The following INO80 variants were observed in gnomAD, a reference collection of about 807,000 sequenced individuals.
INO80 encodes the protein chromatin-remodeling ATPase INO80.
INO80 carries 20 observed loss-of-function variants against 203.4 expected under a neutral mutation model. That is an observed-to-expected ratio of 0.10 (90% confidence interval 0.07 to 0.14). The LOEUF is 0.14. Among genes scored for constraint, INO80 ranks in the 10% least tolerant of loss-of-function variants. The probability of loss-of-function intolerance (pLI) is 1.00; values close to 1 mark genes in which losing one functional copy is unlikely to be tolerated. For synonymous variants in INO80, 726 were observed against 685.2 expected (o/e 1.06, Z -0.93); for missense variants, 1,419 against 1,914.4 (o/e 0.74, Z 4.83).
chr15:41,054,787 C>T (rs879618577), intron 18 of INO80, among the ~76,000 whole-genome samples: 1 of 152,058 alleles, frequency 6.6e-6, no homozygotes, highest in African/African-American at 2.4e-5. Context: ...TACAGGTACC[C>T]GCCATCATGC....
chr15:41,075,164 C>T (rs1166214962), intron 9 of INO80, among the ~76,000 whole-genome samples: 4 of 152,152 alleles, frequency 2.6e-5, no homozygotes. Context: ...TATGGTGGCA[C>T]AGAGACAACA....
intron 27 of INO80, among the ~76,000 whole-genome samples, chr15:41,015,104 T>G (rs1218521941): frequency 6.6e-6 from 1 of 152,170 alleles, no homozygotes; most frequent in Non-Finnish European, 1.5e-5. Context: ...GTCTGTGACC[T>G]CCTGTCCCTT....
intron 28 of INO80, chr15:40,999,542 T>TA (rs2043929664): frequency 1.3e-5 from 2 of 152,240 alleles, no homozygotes; most frequent in South Asian, 4.1e-4. Context: ...GTCTCTCAGT[T>TA]AGTGATTCCA....
At chr15:41,090,073 C>T (rs370233163) in intron 5 of INO80, among the ~76,000 whole-genome samples, 2 of 152,230 alleles carry the variant, frequency 1.3e-5, no homozygotes, top group South Asian at 2.1e-4. Flanking sequence ...TAGAAATATG[C>T]TAATCATAGT....
chr15:41,115,094 T>C (rs1224294608), intron 1 of INO80, among the ~76,000 whole-genome samples: 2 of 152,230 alleles, frequency 1.3e-5, no homozygotes, highest in Non-Finnish European at 2.9e-5. Flanking sequence ...AATTTTGTTG[T>C]GGAGGAAATA....
At chr15:41,079,305 A>G (rs1314885091) in intron 9 of INO80, among the ~76,000 whole-genome samples, 1 of 152,174 alleles carries the variant, frequency 6.6e-6, no homozygotes, top group Non-Finnish European at 1.5e-5. Context: ...ATGAATTAAA[A>G]GCTACTTTCT....
At chr15:41,084,975 G>A (rs530077348) in intron 7 of INO80, among the ~76,000 whole-genome samples, 5 of 152,286 alleles carry the variant, frequency 3.3e-5, no homozygotes, top group South Asian at 2.1e-4. Context: ...GGGCTCAAGC[G>A]ATCTACCCAC....
chr15:41,060,564 A>C (rs942482309), intron 14 of INO80, among the ~76,000 whole-genome samples: 1 of 152,106 alleles, frequency 6.6e-6, no homozygotes, highest in Non-Finnish European at 1.5e-5. Flanking sequence ...CAGGAAAAAA[A>C]AAAAACAAAA....
intron 17 of INO80, 26 bp from the exon 18 acceptor site, chr15:41,055,390 A>G: frequency 6.9e-7 from 1 of 1,447,574 alleles, no homozygotes; most frequent in Non-Finnish European, 9.6e-7. Flanking sequence ...AAAATGAAAT[A>G]GCTATAGAGC....
intron 13 of INO80, 92 bp from the exon 14 acceptor site, chr15:41,069,757 G>C: frequency 1.4e-6 from 1 of 700,170 alleles, no homozygotes; most frequent in Non-Finnish European, 2.4e-6. Flanking sequence ...TCTAAGAATA[G>C]GAAACAAATA....
In INO80 at chr15:40,983,012, T is replaced by C. The variant is rs1402370053; in HGVS notation, c.4303A>G (p.Lys1435Glu). 8 of 1,614,046 alleles carry C rather than the reference T, an allele frequency of 5.0e-6. No individual in the cohort carries two copies. Among genetic ancestry groups the C allele is most frequent in the Non-Finnish European group, 6.8e-6 (8 of 1,180,010 alleles). Residue 1435 changes from lysine to glutamate, a missense_variant, in exon 35 of 36, where the codon AAA (lysine) becomes GAA (glutamate). This residue lies in a region of INO80 where 214 missense variants were observed against 248.9 expected (regional missense o/e 0.86). Transcript: ENST00000648947. ...CCTTTGGCTGTGCTTCCTGAACCTT[T>C]GGGGCGGCCTCGGCTTCGGGCTGAG... is the stretch of plus-strand genomic sequence containing the variant. ...GHSARSRGRP[K>E]GSGSTAKGAG...
chr15:41,051,384 C>T, intron 19 of INO80, among the ~76,000 whole-genome samples: 1 of 151,702 alleles, frequency 6.6e-6, no homozygotes, highest in East Asian at 1.9e-4. Flanking sequence ...GCTTTAATGC[C>T]TTCTCTAACT....
rs551837325 is a variant in INO80 at position 40,981,507 on chromosome 15, C to G, written c.4454-1067G>C. The stretch of plus-strand genomic sequence containing the variant: ...CATACTTCATATTTCCTGGAAGAAC[C>G]AATAAATGAAAGCTGAGATTTCTGC... On this transcript the variant is annotated intron_variant, in intron 35 of 35. Transcript: ENST00000648947. 1.2e-3 allele frequency among the ~76,000 whole-genome samples: 183 copies of G among 152,230 alleles called. 1 individual carries two copies. The highest frequency in any genetic ancestry group is 1.2e-3 in the Non-Finnish European group (81 of 68,008).
chr15:41,114,170 G>A (rs1433033120), intron 1 of INO80, among the ~76,000 whole-genome samples: 1 of 151,890 alleles, frequency 6.6e-6, no homozygotes, highest in East Asian at 1.9e-4. Context: ...AGGAGGCTGA[G>A]GCAGGAGAAT....
At chr15:41,112,809 A>C (rs892412982) in intron 1 of INO80, among the ~76,000 whole-genome samples, 5 of 151,326 alleles carry the variant, frequency 3.3e-5, no homozygotes, top group South Asian at 4.2e-4. Context: ...AAAAAAAAAA[A>C]AAAACTTTTC....
In INO80 at chr15:41,074,367, C is replaced by A; in HGVS notation, c.1327+3G>T. ...TTCCTCTAAGTCCTGACTGAGGACTCACCATAATCCTCCTGTGTGATGTTA... is the reference window on the plus strand; with the variant it reads ...TTCCTCTAAGTCCTGACTGAGGACTAACCATAATCCTCCTGTGTGATGTTA... On this transcript the variant is annotated splice_donor_region_variant and intron_variant, in intron 10 of 35. Coordinates refer to ENST00000648947, the MANE Select transcript of INO80 (RefSeq NM_017553.3). 6.3e-7 allele frequency: 1 copy of A among 1,597,620 alleles called. No homozygotes were observed. The highest frequency in any genetic ancestry group is 8.5e-7 in the Non-Finnish European group (1 of 1,170,392).
chr15:41,030,731 G>C (rs1317363865), intron 24 of INO80, among the ~76,000 whole-genome samples: 2 of 152,024 alleles, frequency 1.3e-5, no homozygotes, highest in Non-Finnish European at 2.9e-5. Context: ...CTGGAGTACA[G>C]TGGTGTGATC....
intron 24 of INO80, among the ~76,000 whole-genome samples, chr15:41,038,754 A>G (rs1001237820): frequency 2.6e-5 from 4 of 152,232 alleles, no homozygotes; most frequent in Admixed American, 2.6e-4. Flanking sequence ...CATCTGCCTT[A>G]ACATGGATTG....
In INO80 at chr15:41,031,080, T is replaced by C. The variant is rs529702683; in HGVS notation, c.2908-3344A>G. On this transcript the variant is annotated intron_variant, in intron 24 of 35. Transcript: ENST00000648947. ...AGGTTTTAAAAAATAATAACTATGT[T>C]CAAAATGCTCAACATATAGCCTCAA... Among the ~76,000 whole-genome samples the C allele has an allele frequency of 2.7e-3, 408 of 152,346 alleles. 3 individuals carry two copies. The highest frequency in any genetic ancestry group is 0.013 in the South Asian group (62 of 4,830).
Sources: gnomAD v4.1 joint callset for allele counts (sites outside exome capture counted in the v4.1 genomes callset) on GRCh38, gnomAD v4.1.1 for gene constraint, gnomAD v4.1.1 regional missense constraint, MANE v1.5 for transcripts, NCBI Gene and HGNC (gene_info 2026-07-23, HGNC 2026-07-21) for gene names.